The following WDR55 variants were observed in gnomAD, a reference collection of about 807,000 sequenced individuals.
WDR55 encodes WD repeat domain 55.
A neutral mutation model predicts 34.0 loss-of-function variants in WDR55; 31 were observed. The ratio of observed to expected loss-of-function variants is 0.91; its 90% CI spans 0.69 to 1.23. The LOEUF (loss-of-function observed/expected upper bound fraction) is 1.23, where lower values mean the gene tolerates loss of function less well. WDR55 is among the 50% of genes most tolerant of loss of function. WDR55 has a pLI of 0.00. For synonymous variants in WDR55, 164 were observed against 185.9 expected (o/e 0.88, Z 0.96); for missense variants, 440 against 494.6 (o/e 0.89, Z 1.05).
Position 140,672,060 on chromosome 5 carries a change from C to G in WDR55, c.*2406C>G. 1 of 559,296 alleles carries G rather than the reference C, an allele frequency of 1.8e-6. No homozygotes were observed. Among genetic ancestry groups the G allele is most frequent in the South Asian group, 2.1e-5 (1 of 48,296 alleles). 34.6% of individuals were successfully genotyped at this position (559,296 alleles called of 1,614,324 possible). On this transcript the variant is annotated 3_prime_UTR_variant, in exon 7 of 7. Transcript: ENST00000358337. ...GTAAGTCAGTCAGTGTGCTAAGTAC[C>G]GTACACCCATTATGTTACTTAATTC... is the stretch of plus-strand genomic sequence containing the variant.
chr5:140,670,608 C>G lies in WDR55; in HGVS notation c.*954C>G, dbSNP rs750125834. The stretch of plus-strand genomic sequence containing the variant: ...AGGTGATCCACCCGCCTCAGCCTCC[C>G]AAAGTGCTGGGATTACAGGCAAAAG... On this transcript the variant is annotated 3_prime_UTR_variant, in exon 7 of 7. Transcript: ENST00000358337. The G allele has an allele frequency of 5.2e-5, 8 of 153,322 alleles. No individual in the cohort carries two copies. The highest frequency in any genetic ancestry group is 8.7e-5 in the Non-Finnish European group (6 of 68,934). 9.5% of individuals were successfully genotyped at this position (153,322 alleles called of 1,614,324 possible).
In WDR55 at chr5:140,668,947, C is replaced by T; in HGVS notation, c.617C>T (p.Ser206Leu). Reference protein sequence around the residue: ...NIKRRRFELLSEPQSGDLTSV... With the variant: ...NIKRRRFELLLEPQSGDLTSV... ...AAGAGGCGTCGGTTTGAGCTGCTCTCAGAACCTCAGTCTGGGGACCTGACC... is the reference window on the plus strand; with the variant it reads ...AAGAGGCGTCGGTTTGAGCTGCTCTTAGAACCTCAGTCTGGGGACCTGACC... Residue 206 changes from serine (S) to leucine (L), a missense_variant, in exon 5 of 7, where the codon TCA (serine) becomes TTA (leucine). Physicochemically the swap from Ser to Leu is moderately radical, Grantham distance 145. Coordinates refer to ENST00000358337, the MANE Select transcript of WDR55 (RefSeq NM_017706.5). 1 of 1,614,228 alleles carries T rather than the reference C, an allele frequency of 6.2e-7. No homozygotes were observed. The highest frequency in any genetic ancestry group is 8.5e-7 in the Non-Finnish European group (1 of 1,180,044).
intron 1 of WDR55, among the ~76,000 whole-genome samples, chr5:140,666,130 C>G (rs190484026): frequency 6.6e-6 from 1 of 152,228 alleles, no homozygotes; most frequent in Admixed American, 6.5e-5. Context: ...GGCGTGGTGG[C>G]TCATGCCTGT....
chr5:140,671,200 G>C lies in WDR55; in HGVS notation c.*1546G>C. 2 of 1,526,282 alleles carry C rather than the reference G, an allele frequency of 1.3e-6. No homozygotes were observed. The highest frequency in any genetic ancestry group is 4.5e-5 in the East Asian group (2 of 44,292). The allele number at this position is 1,526,282 out of a possible 1,614,324, so 94.5% of individuals were successfully genotyped here. ...TGGGCCCATGCCCCTCCCCACCTTT[G>C]GGGGTCAGAAAGTGGCCACCCAGGC... is the stretch of plus-strand genomic sequence containing the variant. On this transcript the variant is annotated 3_prime_UTR_variant, in exon 7 of 7. Coordinates refer to ENST00000358337, the MANE Select transcript of WDR55 (RefSeq NM_017706.5).
rs1402891141 is a variant in WDR55 at position 140,671,216 on chromosome 5, C to A, written c.*1562C>A. On this transcript the variant is annotated 3_prime_UTR_variant, in exon 7 of 7. Transcript: ENST00000358337. Reference sequence around the variant, plus strand: ...CCCACCTTTGGGGGTCAGAAAGTGGCCACCCAGGCCTGCTGGGATGGGGCC... The same window carrying A: ...CCCACCTTTGGGGGTCAGAAAGTGGACACCCAGGCCTGCTGGGATGGGGCC... The A allele has an allele frequency of 2.6e-5, 42 of 1,590,552 alleles. 1 individual carries two copies. The highest frequency in any genetic ancestry group is 3.4e-5 in the Non-Finnish European group (39 of 1,161,840).
At chr5:140,668,547 GT>G in intron 3 of WDR55, 45 bp downstream of exon 3, 3 of 1,605,394 alleles carry the variant, frequency 1.9e-6, no homozygotes. Flanking sequence ...GAGGTGAAGG[GT>G]AAGGACCAGG....
chr5:140,668,491 C>G lies in WDR55; in HGVS notation c.369C>G (p.Ser123=), dbSNP rs778960323. ...VEQGQLERRV[S]KAHGAPINSL... is the part of the protein sequence containing the mutation. ...AGGGCCAACTGGAAAGACGTGTTTC[C>G]AAGGCTCATGGGTAAGGAGAGCAGC... The change falls in exon 3 of 7, where the codon TCC becomes TCG. Residue 123 remains serine (S), a synonymous_variant. Transcript: ENST00000358337. The G allele has an allele frequency of 1.2e-6, 2 of 1,614,096 alleles. No homozygotes were observed. Among genetic ancestry groups the G allele is most frequent in the Non-Finnish European group, 1.7e-6 (2 of 1,180,002 alleles).
In WDR55 at chr5:140,671,079, G is replaced by A; in HGVS notation, c.*1425G>A. 1.6e-6 allele frequency: 1 copy of A among 637,772 alleles called. No individual in the cohort carries two copies. The highest frequency in any genetic ancestry group is 2.8e-6 in the Non-Finnish European group (1 of 359,986). 39.5% of individuals were successfully genotyped at this position (637,772 alleles called of 1,614,324 possible). ...TGGGTCAGGTTGGACCCTGGGCTGG[G>A]AGCGGGAGGGCAAGGCCCCTCACCA... On this transcript the variant is annotated 3_prime_UTR_variant, in exon 7 of 7. Transcript: ENST00000358337.
Position 140,669,488 on chromosome 5 carries a change from CT to C in WDR55, c.987del (p.Val330TrpfsTer19). On this transcript the variant is annotated frameshift_variant, in exon 7 of 7. Coordinates refer to ENST00000358337, the MANE Select transcript of WDR55 (RefSeq NM_017706.5). LOFTEE classifies it high-confidence loss of function. Reference sequence around the variant, plus strand: ...TTTTGGGACATGGCCCAGCTGCGAGCTGTGGTGGTGGATGACTACCGTCGGC... The same window carrying C: ...TTTTGGGACATGGCCCAGCTGCGAGCGTGGTGGTGGATGACTACCGTCGGC... ...LKFWDMAQLR[A>X]VVVDDYRRRK... The C allele has an allele frequency of 6.2e-7, 1 of 1,614,110 alleles. No homozygotes were observed. Among genetic ancestry groups the C allele is most frequent in the Non-Finnish European group, 8.5e-7 (1 of 1,180,002 alleles).
At chr5:140,666,347 G>T (rs1464162788) in intron 1 of WDR55, among the ~76,000 whole-genome samples, 1 of 152,176 alleles carries the variant, frequency 6.6e-6, no homozygotes, top group African/African-American at 2.4e-5. Flanking sequence ...AGTGAGCCGA[G>T]ATCGTGCCAT....
rs1757970494 is a variant in WDR55 at position 140,668,284 on chromosome 5, G to A, written c.242G>A (p.Gly81Asp). 1.9e-6 allele frequency: 3 copies of A among 1,613,926 alleles called. No individual in the cohort carries two copies. Among genetic ancestry groups the A allele is most frequent in the Non-Finnish European group, 2.5e-6 (3 of 1,179,946 alleles). ...EGETKELWSS[G>D]HHLKACRAVA... ...GAAACCAAGGAGCTCTGGTCATCAG[G>A]TCACCATCTCAAGGCCTGCCGAGCT... Residue 81 changes from glycine (G) to aspartate (D), a missense_variant, in exon 2 of 7, where the codon GGT (glycine) becomes GAT (aspartate). Coordinates refer to ENST00000358337, the MANE Select transcript of WDR55 (RefSeq NM_017706.5).
In WDR55 at chr5:140,671,572, C is replaced by A; in HGVS notation, c.*1918C>A. ...TGCCCAGCTTCATTCGTTGGCACAG[C>A]AACTGCAGGGTAGCCCGAGCCCCTT... On this transcript the variant is annotated 3_prime_UTR_variant, in exon 7 of 7. Transcript: ENST00000358337. 8.3e-6 allele frequency: 13 copies of A among 1,567,286 alleles called. No homozygotes were observed. Among genetic ancestry groups the A allele is most frequent in the Non-Finnish European group, 1.1e-5 (13 of 1,157,228 alleles).
In WDR55 at chr5:140,668,436, A is replaced by T. The variant is rs1345054540; in HGVS notation, c.314A>T (p.Asp105Val). 6 of 1,614,218 alleles carry T rather than the reference A, an allele frequency of 3.7e-6. No homozygotes were observed. The highest frequency in any genetic ancestry group is 3.3e-5 in the Admixed American group (2 of 60,022). ...DGQKLITVSKDKAIHVLDVEQ... is the reference protein window; with the variant it reads ...DGQKLITVSKVKAIHVLDVEQ... ...CCAGAGCTCATTACTGTCTCCAAGGACAAAGCCATCCATGTTCTAGATGTG... is the reference window on the plus strand; with the variant it reads ...CCAGAGCTCATTACTGTCTCCAAGGTCAAAGCCATCCATGTTCTAGATGTG... The change falls in exon 3 of 7, where the codon GAC becomes GTC. Residue 105 changes from aspartate to valine, a missense_variant. Transcript: ENST00000358337.
Position 140,669,207 on chromosome 5 carries a change from C to T in WDR55, c.789C>T (p.Thr263=), listed in dbSNP as rs35080423. The change falls in exon 6 of 7, where the codon ACC becomes ACT. Residue 263 remains threonine, a synonymous_variant. Transcript: ENST00000358337. The stretch of plus-strand genomic sequence containing the variant: ...CTATCGACTGCATGGTTCCAGTCAC[C>T]GAGAGTCTGCTGTGTACTGGCTCCA... ...AESIDCMVPV[T]ESLLCTGSTD... The T allele has an allele frequency of 5.2e-5, 84 of 1,613,654 alleles. No individual in the cohort carries two copies. Among genetic ancestry groups the T allele is most frequent in the South Asian group, 1.6e-4 (15 of 91,076 alleles).
At position 140,670,986 on chromosome 5, in the gene WDR55, A is replaced by T; in HGVS notation, c.*1332A>T. 1 of 479,718 alleles carries T rather than the reference A, an allele frequency of 2.1e-6. No individual in the cohort carries two copies. Among genetic ancestry groups the T allele is most frequent in the South Asian group, 2.3e-5 (1 of 44,430 alleles). The allele number at this position is 479,718 out of a possible 1,614,324, so 29.7% of individuals were successfully genotyped here. Reference sequence around the variant, plus strand: ...CAGGACAATAAAGAAGATTCATGCTAAGCTGTGGCAGAGGGGGGAAGGTAT... The same window carrying T: ...CAGGACAATAAAGAAGATTCATGCTTAGCTGTGGCAGAGGGGGGAAGGTAT... On this transcript the variant is annotated 3_prime_UTR_variant, in exon 7 of 7. Coordinates refer to ENST00000358337, the MANE Select transcript of WDR55 (RefSeq NM_017706.5).
intron 3 of WDR55, 45 bp downstream of exon 3, chr5:140,668,547 G>T: frequency 1.2e-6 from 2 of 1,605,394 alleles, no homozygotes; most frequent in Non-Finnish European, 1.7e-6. Context: ...GAGGTGAAGG[G>T]TAAGGACCAG....
chr5:140,670,045 T>A lies in WDR55; in HGVS notation c.*391T>A, dbSNP rs1758034956. The A allele has an allele frequency of 5.3e-6, 1 of 188,874 alleles. No homozygotes were observed. Among genetic ancestry groups the A allele is most frequent in the Non-Finnish European group, 1.1e-5 (1 of 90,120 alleles). 11.7% of individuals were successfully genotyped at this position (188,874 alleles called of 1,614,324 possible). A position where few individuals can be genotyped will look rare whatever the true frequency, so the allele number is the denominator to read the frequency against. The stretch of plus-strand genomic sequence containing the variant: ...CACCTGGCCAAAAAAATTTATATTT[T>A]TTGAGACAAGGTCTCACTCTGTCAC... On this transcript the variant is annotated 3_prime_UTR_variant, in exon 7 of 7. Coordinates refer to ENST00000358337, the MANE Select transcript of WDR55 (RefSeq NM_017706.5).
In WDR55 at chr5:140,671,825, C is replaced by T; in HGVS notation, c.*2171C>T. On this transcript the variant is annotated 3_prime_UTR_variant, in exon 7 of 7. Coordinates refer to ENST00000358337, the MANE Select transcript of WDR55 (RefSeq NM_017706.5). ...CCTCCAGGTGGTGAGCCCTTTGGAG[C>T]TACACAGTCCTGTTATTTGTAGCCT... 1 of 1,455,460 alleles carries T rather than the reference C, an allele frequency of 6.9e-7. No homozygotes were observed. The highest frequency in any genetic ancestry group is 9.4e-7 in the Non-Finnish European group (1 of 1,060,560). The allele number at this position is 1,455,460 out of a possible 1,614,324, so 90.2% of individuals were successfully genotyped here. A position where few individuals can be genotyped will look rare whatever the true frequency, so the allele number is the denominator to read the frequency against.
In WDR55 at chr5:140,671,880, A is replaced by G. The variant is rs1239523214; in HGVS notation, c.*2226A>G. On this transcript the variant is annotated 3_prime_UTR_variant, in exon 7 of 7. Transcript: ENST00000358337. The stretch of plus-strand genomic sequence containing the variant: ...ATTTCCTGGTAGTGTGACCATGGGT[A>G]AGAAAAGACAATGAAGCCTTCAGCC... 9.7e-7 allele frequency: 1 copy of G among 1,026,460 alleles called. No homozygotes were observed. The highest frequency in any genetic ancestry group is 1.6e-5 in the African/African-American group (1 of 63,110). 63.6% of individuals were successfully genotyped at this position (1,026,460 alleles called of 1,614,324 possible).
Sources: gnomAD v4.1 joint callset for allele counts (sites outside exome capture counted in the v4.1 genomes callset) on GRCh38, gnomAD v4.1.1 for gene constraint, MANE v1.5 for transcripts, NCBI Gene and HGNC (gene_info 2026-07-23, HGNC 2026-07-21) for gene names.